The following SLC10A7 variants were observed in gnomAD, a reference collection of about 807,000 sequenced individuals.
SLC10A7 encodes solute carrier family 10 member 7.
SLC10A7 carries 29 observed loss-of-function variants against 43.2 expected under a neutral mutation model. The observed-to-expected ratio is 0.67, with a 90% CI of 0.50 to 0.92. The LOEUF (loss-of-function observed/expected upper bound fraction) is 0.92, where lower values mean the gene tolerates loss of function less well. Ranked by LOEUF, SLC10A7 falls within the 40% of genes least tolerant of loss-of-function variation. The probability of loss-of-function intolerance (pLI) is 0.00; values close to 1 mark genes in which losing one functional copy is unlikely to be tolerated. For missense variants in SLC10A7, 295 were observed against 403.2 expected, an observed-to-expected ratio of 0.73 and a Z score of 2.30; for synonymous variants, 152 against 144.8, an observed-to-expected ratio of 1.05 and a Z score of -0.35.
At chr4:146,441,993 T>C in intron 5 of SLC10A7, 13 of 980,304 alleles carry the variant, frequency 1.3e-5, no homozygotes, top group Non-Finnish European at 1.5e-5. Flanking sequence ...TATTTGTAAA[T>C]CACTGCACTA....
rs145129753 is a variant in SLC10A7, at chr4:146,434,246, G to A, written c.435+8537C>T. On this transcript the variant is annotated intron_variant, in intron 5 of 11. Coordinates refer to ENST00000335472, the MANE Select transcript of SLC10A7 (RefSeq NM_001029998.6). ...TAGACCAAAATGCTGATTCGTTATA[G>A]CTAGGTGATTCTATCTATATTTTTC... 1.6e-4 allele frequency among the ~76,000 whole-genome samples: 24 copies of A among 152,266 alleles called. 1 individual carries two copies. In the East Asian group the frequency reaches 4.2e-3, roughly 27 times the overall value.
At chr4:146,420,579 A>G (rs960944816) in intron 5 of SLC10A7, among the ~76,000 whole-genome samples, 6 of 152,228 alleles carry the variant, frequency 3.9e-5, no homozygotes, top group African/African-American at 1.4e-4. Context: ...CTGAGTTGAC[A>G]TCTGTAGAAG....
chr4:146,351,019 A>G (rs1257849756), intron 5 of SLC10A7, among the ~76,000 whole-genome samples: 1 of 150,880 alleles, frequency 6.6e-6, no homozygotes, highest in East Asian at 1.9e-4. Flanking sequence ...GCAACGGAAC[A>G]AAGCTGGATG....
At chr4:146,422,179 G>A (rs973855129) in intron 5 of SLC10A7, among the ~76,000 whole-genome samples, 2 of 152,122 alleles carry the variant, frequency 1.3e-5, no homozygotes, top group Admixed American at 1.3e-4. Context: ...TTTGAAAATG[G>A]AGAAATAAAA....
chr4:146,455,094 T>C (rs1255746470), intron 4 of SLC10A7, among the ~76,000 whole-genome samples: 1 of 151,846 alleles, frequency 6.6e-6, no homozygotes, highest in Non-Finnish European at 1.5e-5. Context: ...ATAAAACAAA[T>C]GCTTCTCTAA....
chr4:146,493,038 C>T (rs1367541616), intron 4 of SLC10A7, among the ~76,000 whole-genome samples: 1 of 152,062 alleles, frequency 6.6e-6, no homozygotes, highest in Non-Finnish European at 1.5e-5. Flanking sequence ...AAGAATAAGT[C>T]TTCTATTTTT....
At chr4:146,396,523 T>C (rs375210463) in intron 5 of SLC10A7, among the ~76,000 whole-genome samples, 12 of 152,224 alleles carry the variant, frequency 7.9e-5, no homozygotes, top group East Asian at 1.9e-4. Flanking sequence ...ATACTGCATA[T>C]TGACATGTTT....
chr4:146,449,841 A>G (rs1731432953), intron 4 of SLC10A7, among the ~76,000 whole-genome samples: 1 of 152,176 alleles, frequency 6.6e-6, no homozygotes, highest in South Asian at 2.1e-4. Flanking sequence ...AAAGAAGGGA[A>G]TTTAAAGTTT....
chr4:146,462,128 A>T (rs1199102230), intron 4 of SLC10A7, among the ~76,000 whole-genome samples: 1 of 152,106 alleles, frequency 6.6e-6, no homozygotes, highest in Non-Finnish European at 1.5e-5. Context: ...ATAAAATGTT[A>T]ATTTTTTAAA....
chr4:146,388,106 G>A (rs766140658), intron 5 of SLC10A7, among the ~76,000 whole-genome samples: 1 of 152,118 alleles, frequency 6.6e-6, no homozygotes, highest in East Asian at 1.9e-4. Flanking sequence ...AAAAGAGCCT[G>A]ATTAGCCAAA....
At chr4:146,500,386 C>T (rs1736286578) in intron 4 of SLC10A7, among the ~76,000 whole-genome samples, 1 of 152,148 alleles carries the variant, frequency 6.6e-6, no homozygotes, top group African/African-American at 2.4e-5. Flanking sequence ...TCATCACTCT[C>T]AGTGGTTGAC....
intron 5 of SLC10A7, chr4:146,442,249 AT>A (rs1172512166): frequency 1.1e-6 from 1 of 939,522 alleles, no homozygotes. Flanking sequence ...ATATATATAT[AT>A]ATATAGATAC....
At chr4:146,499,812 T>C (rs1736231965) in intron 4 of SLC10A7, among the ~76,000 whole-genome samples, 1 of 152,202 alleles carries the variant, frequency 6.6e-6, no homozygotes, top group African/African-American at 2.4e-5. Flanking sequence ...TTCCACATTA[T>C]TAACGTGGAA....
At chr4:146,292,904 T>C (rs199983559) in intron 9 of SLC10A7, 25 bp downstream of exon 9, 17 of 1,524,226 alleles carry the variant, frequency 1.1e-5, no homozygotes, top group Non-Finnish European at 1.5e-5. Flanking sequence ...AGAAAACTAA[T>C]AACAAGAGAT....
At chr4:146,419,120 C>T (rs1427269246) in intron 5 of SLC10A7, among the ~76,000 whole-genome samples, 2 of 152,188 alleles carry the variant, frequency 1.3e-5, no homozygotes, top group Non-Finnish European at 2.9e-5. Flanking sequence ...GCGCTCTGAA[C>T]CCTGTCCTTT....
intron 5 of SLC10A7, among the ~76,000 whole-genome samples, chr4:146,404,234 G>T (rs1423089611): frequency 6.6e-6 from 1 of 151,984 alleles, no homozygotes; most frequent in Non-Finnish European, 1.5e-5. Context: ...TTCCTAGGCT[G>T]GTCTCAAACT....
intron 5 of SLC10A7, among the ~76,000 whole-genome samples, chr4:146,376,769 C>T (rs1447116561): frequency 6.6e-6 from 1 of 152,110 alleles, no homozygotes; most frequent in Non-Finnish European, 1.5e-5. Context: ...GCAGTTTTGC[C>T]GCGACTGTAT....
At chr4:146,409,334 C>A (rs202234315) in intron 5 of SLC10A7, among the ~76,000 whole-genome samples, 32 of 136,416 alleles carry the variant, frequency 2.3e-4, no homozygotes, top group Admixed American at 5.8e-4. Flanking sequence ...TATGGCACAT[C>A]AAAAAAAAAA....
At chr4:146,294,488 A>C (rs572388080) in intron 7 of SLC10A7, among the ~76,000 whole-genome samples, 2 of 152,184 alleles carry the variant, frequency 1.3e-5, no homozygotes, top group Non-Finnish European at 2.9e-5. Flanking sequence ...CAACTTTGGG[A>C]ATCTTAAAAA....
Sources: gnomAD v4.1 joint callset for allele counts (sites outside exome capture counted in the v4.1 genomes callset) on GRCh38, gnomAD v4.1.1 for gene constraint, MANE v1.5 for transcripts, NCBI Gene and HGNC (gene_info 2026-07-23, HGNC 2026-07-21) for gene names.